RABGEF1: variants seen among roughly 807,000 people sequenced by gnomAD.
RABGEF1 encodes the protein RAB guanine nucleotide exchange factor 1.
RABGEF1 carries 26 observed loss-of-function variants against 57.3 expected under a neutral mutation model. The ratio of observed to expected loss-of-function variants is 0.45; its 90% CI spans 0.33 to 0.63. The LOEUF (loss-of-function observed/expected upper bound fraction) is 0.63, where lower values mean the gene tolerates loss of function less well. Among genes scored for constraint, RABGEF1 ranks in the 20% least tolerant of loss-of-function variants. The pLI is 0.02. For missense variants in RABGEF1, 464 were observed against 607.6 expected (o/e 0.76, Z 2.48); for synonymous variants, 185 against 210.7 (o/e 0.88, Z 1.06).
chr7:66,729,543 TATCCTCACCTTC>T (rs1797067938), intron 2 of RABGEF1, among the ~76,000 whole-genome samples: 1 of 146,722 alleles, frequency 6.8e-6, no homozygotes, highest in Non-Finnish European at 1.5e-5. Context: ...ACCTCACCTT[TATCCTCACCTTC>T]ATCCTTACTT....
the RABGEF1 span, among the ~76,000 whole-genome samples, chr7:66,670,876 A>C: frequency 6.8e-6 from 1 of 146,358 alleles, no homozygotes; most frequent in Non-Finnish European, 1.5e-5. Context: ...ATTTTTATTT[A>C]TTTAATACAC....
chr7:66,754,319 A>G (rs1195408753), intron 1 of RABGEF1, among the ~76,000 whole-genome samples: 2 of 151,686 alleles, frequency 1.3e-5, no homozygotes, highest in African/African-American at 4.8e-5. Flanking sequence ...TCAGTTTTTA[A>G]AGGAAATAGT....
intron 1 of RABGEF1, among the ~76,000 whole-genome samples, chr7:66,769,444 G>A (rs1002235324): frequency 2.0e-5 from 3 of 152,180 alleles, no homozygotes; most frequent in South Asian, 2.1e-4. Context: ...TTGAGATTGC[G>A]CTCAAACATC....
intron 2 of RABGEF1, among the ~76,000 whole-genome samples, chr7:66,717,095 G>A (rs1259674967): frequency 6.6e-6 from 1 of 152,044 alleles, no homozygotes; most frequent in Non-Finnish European, 1.5e-5. Context: ...TGTTTTTTAT[G>A]CCTCACTGTT....
chr7:66,764,329 A>G lies in RABGEF1; in HGVS notation c.-17-7554A>G, dbSNP rs1805171393. ...TAAAAAAAATTGTTAATTTTTATTG[A>G]GTTGTAAGAATTTTTTATATATTCT... On this transcript the variant is annotated intron_variant, in intron 1 of 8. Coordinates refer to ENST00000284957, the MANE Select transcript of RABGEF1 (RefSeq NM_014504.3). Among the ~76,000 whole-genome samples, 5 of 151,480 alleles carry G rather than the reference A, an allele frequency of 3.3e-5. No individual in the cohort carries two copies. The South Asian group carries it at 1.0e-3, about 31-fold the overall frequency.
At chr7:66,795,379 T>A (rs1813780901) in intron 4 of RABGEF1, 132 bp from the exon 5 acceptor site, 1 of 701,984 alleles carries the variant, frequency 1.4e-6, no homozygotes, top group African/African-American at 1.8e-5. Flanking sequence ...TCCTGCAGGA[T>A]TAATATAACC....
At chr7:66,680,868 G>A (rs1266444999), upstream of RABGEF1, among the ~76,000 whole-genome samples, 1 of 152,126 alleles carries the variant, frequency 6.6e-6, no homozygotes, top group Non-Finnish European at 1.5e-5. Flanking sequence ...GATCACTTGA[G>A]GTCACGATTC....
At position 66,795,600 on chromosome 7, in the gene RABGEF1, T is replaced by C; in HGVS notation, c.595+8T>C. 1.3e-6 allele frequency: 2 copies of C among 1,589,098 alleles called. No individual in the cohort carries two copies. Among genetic ancestry groups the C allele is most frequent in the Non-Finnish European group, 1.7e-6 (2 of 1,157,262 alleles). On this transcript the variant is annotated splice_region_variant and intron_variant, in intron 5 of 8. Coordinates refer to ENST00000284957, the MANE Select transcript of RABGEF1 (RefSeq NM_014504.3). Reference sequence around the variant, plus strand: ...TGCAAACTCGTGGGAAAGGTAACACTGTTAGCCATTGAGAGATTGCGGGTA... The same window carrying C: ...TGCAAACTCGTGGGAAAGGTAACACCGTTAGCCATTGAGAGATTGCGGGTA...
intron 4 of RABGEF1, 104 bp from the exon 5 acceptor site, chr7:66,795,407 T>A: frequency 1.1e-6 from 1 of 889,906 alleles, no homozygotes; most frequent in Non-Finnish European, 1.9e-6. Flanking sequence ...ACTTTTAGGC[T>A]TACTACCAGT....
the RABGEF1 span, among the ~76,000 whole-genome samples, chr7:66,661,527 C>T: frequency 1.3e-5 from 2 of 151,502 alleles, no homozygotes; most frequent in African/African-American, 2.4e-5. Context: ...TTTTGGAGTG[C>T]ACTGCATTGC....
intron 1 of RABGEF1, among the ~76,000 whole-genome samples, chr7:66,744,799 C>T (rs1346956625): frequency 6.6e-6 from 1 of 152,100 alleles, no homozygotes; most frequent in East Asian, 1.9e-4. Context: ...TTTGCTTTCT[C>T]AACCCCAATT....
At chr7:66,672,065 C>T in the RABGEF1 span, among the ~76,000 whole-genome samples, 3 of 151,854 alleles carry the variant, frequency 2.0e-5, no homozygotes, top group Non-Finnish European at 2.9e-5. Context: ...ATCCTCCTGC[C>T]TCAGACTCCC....
chr7:66,808,408 G>T (rs1788924408), intron 8 of RABGEF1, among the ~76,000 whole-genome samples: 1 of 151,940 alleles, frequency 6.6e-6, no homozygotes, highest in Non-Finnish European at 1.5e-5. Context: ...TAGAGATGGG[G>T]TTTCACCATG....
chr7:66,732,400 A>T (rs1272167840), intron 2 of RABGEF1, among the ~76,000 whole-genome samples: 1 of 152,176 alleles, frequency 6.6e-6, no homozygotes, highest in Non-Finnish European at 1.5e-5. Context: ...GGTGAGGAGA[A>T]GCAGATGAGA....
intron 1 of RABGEF1, among the ~76,000 whole-genome samples, chr7:66,698,452 G>C (rs1169374024): frequency 1.3e-5 from 2 of 152,202 alleles, no homozygotes; most frequent in Non-Finnish European, 2.9e-5. Context: ...GGCTCACCTG[G>C]GCCCAGAGGA....
the RABGEF1 span, among the ~76,000 whole-genome samples, chr7:66,670,805 C>T: frequency 6.6e-6 from 1 of 151,934 alleles, no homozygotes; most frequent in African/African-American, 2.4e-5. Flanking sequence ...GAGATGGCGC[C>T]ACTACACTCC....
intron 4 of RABGEF1, among the ~76,000 whole-genome samples, chr7:66,786,421 T>C (rs1489731448): frequency 1.3e-5 from 2 of 152,190 alleles, no homozygotes; most frequent in Non-Finnish European, 2.9e-5. Flanking sequence ...TTTCTTTTTT[T>C]GAAGCAGTGT....
rs112627693 is a variant in RABGEF1, at chr7:66,811,135, T to C, written c.*1851T>C. 1.4e-3 allele frequency: 211 copies of C among 151,726 alleles called. 1 individual carries two copies. Among genetic ancestry groups the C allele is most frequent in the African/African-American group, 4.9e-3 (204 of 41,440 alleles). 9.4% of individuals were successfully genotyped at this position (151,726 alleles called of 1,614,324 possible). A position where few individuals can be genotyped will look rare whatever the true frequency, so the allele number is the denominator to read the frequency against. The stretch of plus-strand genomic sequence containing the variant: ...CTTAATTCCTTTGGAAATACACAGT[T>C]CGTTTAGTTACTGTACACTCTGTTT... On this transcript the variant is annotated 3_prime_UTR_variant, in exon 9 of 9. Transcript: ENST00000284957.
chr7:66,795,673 T>G, intron 5 of RABGEF1, 81 bp downstream of exon 5: 2 of 1,326,492 alleles, frequency 1.5e-6, no homozygotes, highest in East Asian at 2.3e-5. Context: ...TTTCTTTCTC[T>G]GATGGTCTGG....
Sources: allele counts gnomAD v4.1 joint callset (sites outside exome capture counted in the v4.1 genomes callset), GRCh38; gene constraint gnomAD v4.1.1; transcripts MANE v1.5; gene names NCBI Gene and HGNC (gene_info 2026-07-23, HGNC 2026-07-21).